The following EFCAB6 variants were observed in gnomAD, a reference collection of about 807,000 sequenced individuals.
EFCAB6 encodes EF-hand calcium binding domain 6.
In EFCAB6, 156 loss-of-function variants were observed where a neutral mutation model predicts 169.8. The ratio of observed to expected loss-of-function variants is 0.92; its 90% CI spans 0.81 to 1.05. EFCAB6 has a LOEUF of 1.05. Among genes scored for constraint, EFCAB6 ranks in the 50% least tolerant of loss-of-function variants. The pLI is 0.00. For missense variants in EFCAB6, 1,800 were observed against 1,829.1 expected (o/e 0.98, Z 0.29); for synonymous variants, 698 against 676.4 (o/e 1.03, Z -0.50).
At chr22:43,716,714 G>T (rs1449134107) in intron 9 of EFCAB6, 134 bp downstream of exon 9, 5 of 1,016,456 alleles carry the variant, frequency 4.9e-6, no homozygotes, top group Non-Finnish European at 6.7e-6. Flanking sequence ...GGTAGAGGGG[G>T]TCTCAGTATT....
intron 25 of EFCAB6, among the ~76,000 whole-genome samples, chr22:43,579,676 T>C (rs1234473543): frequency 6.7e-6 from 1 of 149,288 alleles, no homozygotes; most frequent in Non-Finnish European, 1.5e-5. Flanking sequence ...GTAGGCATCA[T>C]TGCTTACATA....
intron 26 of EFCAB6, among the ~76,000 whole-genome samples, chr22:43,555,666 A>C (rs1269831990): frequency 6.6e-6 from 1 of 152,232 alleles, no homozygotes; most frequent in Non-Finnish European, 1.5e-5. Flanking sequence ...GTGCAGTGGC[A>C]TCTGCTAAGG....
intron 25 of EFCAB6, among the ~76,000 whole-genome samples, chr22:43,577,162 GTAGT>G (rs772404840): frequency 6.6e-6 from 1 of 152,172 alleles, no homozygotes; most frequent in Non-Finnish European, 1.5e-5. Context: ...CTACAGTAGA[GTAGT>G]TAAACTGAAA....
chr22:43,534,853 G>A lies in EFCAB6; in HGVS notation c.4068C>T (p.Asn1356=). 1 of 1,602,572 alleles carries A rather than the reference G, an allele frequency of 6.2e-7. No individual in the cohort carries two copies. The highest frequency in any genetic ancestry group is 1.7e-4 in the Middle Eastern group (1 of 6,020). ...SDFLALVEKF[N]LDISKEECQQ... ...GACACTCCTCTTTGCTTATGTCCAG[G>A]TTGAATTTCTCCACAAGAGCTACAG... Residue 1356 remains asparagine, a synonymous_variant, in exon 30 of 32, where the codon AAC becomes AAT. Transcript: ENST00000262726.
intron 4 of EFCAB6, among the ~76,000 whole-genome samples, chr22:43,770,667 G>C (rs1056022008): frequency 2.6e-5 from 4 of 152,108 alleles, no homozygotes; most frequent in Non-Finnish European, 4.4e-5. Context: ...CTTAAAGACA[G>C]ATCAATAGAC....
chr22:43,773,234 G>T lies in EFCAB6; in HGVS notation c.140-131C>A, dbSNP rs2147979988. ...TCTCCCACCATATCTAGGTTTACGTGTATCACCGTTAGATGACTTGTAATG... is the reference window on the plus strand; with the variant it reads ...TCTCCCACCATATCTAGGTTTACGTTTATCACCGTTAGATGACTTGTAATG... On this transcript the variant is annotated intron_variant, in intron 3 of 31. Transcript: ENST00000262726. The T allele has an allele frequency of 5.9e-6, 5 of 848,966 alleles. No homozygotes were observed. In the East Asian group the frequency reaches 8.0e-5, roughly 14 times the overall value. The allele number at this position is 848,966 out of a possible 1,614,324, so 52.6% of individuals were successfully genotyped here. A position where few individuals can be genotyped will look rare whatever the true frequency, so the allele number is the denominator to read the frequency against.
At chr22:43,667,646 A>T (rs140664882) in intron 16 of EFCAB6, among the ~76,000 whole-genome samples, 2 of 152,298 alleles carry the variant, frequency 1.3e-5, no homozygotes, top group Non-Finnish European at 2.9e-5. Flanking sequence ...GAAGTGGAAA[A>T]ATTAAAAGTC....
chr22:43,672,941 A>T (rs532012048), intron 13 of EFCAB6, among the ~76,000 whole-genome samples: 40 of 152,144 alleles, frequency 2.6e-4, no homozygotes, highest in Non-Finnish European at 5.4e-4. Context: ...ACACAAAAAA[A>T]CCCATCACCT....
At chr22:43,642,533 T>C (rs1402820402) in intron 17 of EFCAB6, among the ~76,000 whole-genome samples, 1 of 152,124 alleles carries the variant, frequency 6.6e-6, no homozygotes. Context: ...TCATCCAGAA[T>C]GCAGGCATGA....
At chr22:43,808,883 T>C (rs2063012546) in intron 2 of EFCAB6, 112 bp downstream of exon 2, 1 of 152,192 alleles carries the variant, frequency 6.6e-6, no homozygotes, top group African/African-American at 2.4e-5. Context: ...AATGAATAGT[T>C]GCTAAGTAAA....
intron 2 of EFCAB6, among the ~76,000 whole-genome samples, chr22:43,785,311 T>C (rs895213099): frequency 1.3e-5 from 2 of 152,162 alleles, no homozygotes; most frequent in African/African-American, 4.8e-5. Context: ...TTTAAAAGGA[T>C]TGAAATTATC....
At chr22:43,564,158 G>T (rs1006589563) in intron 26 of EFCAB6, among the ~76,000 whole-genome samples, 2 of 152,122 alleles carry the variant, frequency 1.3e-5, no homozygotes, top group Admixed American at 6.5e-5. Flanking sequence ...CTTTAGGAAG[G>T]AGCTGTTGGC....
intron 13 of EFCAB6, among the ~76,000 whole-genome samples, chr22:43,677,316 T>A (rs916167305): frequency 1.6e-4 from 25 of 152,278 alleles, no homozygotes; most frequent in Admixed American, 1.5e-3. Flanking sequence ...AAAACATGAA[T>A]GAGAACCAGA....
chr22:43,599,981 A>C, intron 23 of EFCAB6, 88 bp downstream of exon 23: 1 of 1,352,108 alleles, frequency 7.4e-7, no homozygotes, highest in Non-Finnish European at 1.0e-6. Context: ...CCAGCATGGG[A>C]AGGTACCATT....
intron 10 of EFCAB6, among the ~76,000 whole-genome samples, chr22:43,689,091 G>C (rs145138531): frequency 6.6e-6 from 1 of 152,214 alleles, no homozygotes. Flanking sequence ...TTCCACTCAG[G>C]GAGCTTGATT....
chr22:43,778,643 T>C (rs942530682), intron 3 of EFCAB6, among the ~76,000 whole-genome samples: 8 of 152,266 alleles, frequency 5.3e-5, no homozygotes, highest in South Asian at 2.1e-4. Context: ...GGCTGGGCTA[T>C]AAAGCAGAGA....
chr22:43,674,650 C>A (rs1014208), intron 13 of EFCAB6, among the ~76,000 whole-genome samples: 34,519 of 152,148 alleles, frequency 0.23, 5,136 homozygotes, highest in East Asian at 0.62. Context: ...CCACTTGCCA[C>A]GTAGAGAAGG....
At chr22:43,530,480 C>A in intron 31 of EFCAB6, 1 of 978,756 alleles carries the variant, frequency 1.0e-6, no homozygotes, top group Non-Finnish European at 1.2e-6. Flanking sequence ...GCAGGAGAGC[C>A]CAGGTGTGGG....
At chr22:43,655,666 T>C (rs1029066168) in intron 17 of EFCAB6, among the ~76,000 whole-genome samples, 1 of 152,088 alleles carries the variant, frequency 6.6e-6, no homozygotes, top group African/African-American at 2.4e-5. Context: ...TAAATATGTA[T>C]AGAACGGACC....
Sources: gnomAD v4.1 joint callset for allele counts (sites outside exome capture counted in the v4.1 genomes callset) on GRCh38, gnomAD v4.1.1 for gene constraint, MANE v1.5 for transcripts, NCBI Gene and HGNC (gene_info 2026-07-23, HGNC 2026-07-21) for gene names.